DBN1: variants seen among roughly 807,000 people sequenced by gnomAD.
DBN1 encodes the protein drebrin 1.
Under a neutral mutation model 83.5 loss-of-function variants are expected in DBN1, and 21 were observed. The observed-to-expected ratio is 0.25, with a 90% CI of 0.18 to 0.36. The LOEUF (loss-of-function observed/expected upper bound fraction) is 0.36, where lower values mean the gene tolerates loss of function less well. Among genes scored for constraint, DBN1 ranks in the 10% least tolerant of loss-of-function variants. The probability of loss-of-function intolerance (pLI) is 1.00; values close to 1 mark genes in which losing one functional copy is unlikely to be tolerated. For synonymous variants in DBN1, 381 were observed against 384.9 expected, an observed-to-expected ratio of 0.99 and a Z score of 0.12; for missense variants, 874 against 935.7, an observed-to-expected ratio of 0.93 and a Z score of 0.86.
intron 8 of DBN1, among the ~76,000 whole-genome samples, chr5:177,464,907 C>A (rs1757323826): frequency 1.3e-5 from 2 of 152,104 alleles, no homozygotes; most frequent in Admixed American, 1.3e-4. Flanking sequence ...GTAATCCCAG[C>A]ACTTTGGGTG....
At chr5:177,472,876 G>A (rs1392668659) in intron 1 of DBN1, 2 of 985,202 alleles carry the variant, frequency 2.0e-6, no homozygotes, top group Non-Finnish European at 2.4e-6. Flanking sequence ...GTTTCGGGGG[G>A]AGGGCGGCCC....
At position 177,466,887 on chromosome 5, in the gene DBN1, A is replaced by G. The variant is rs1757479669; in HGVS notation, c.707+24T>C. 3 of 1,613,282 alleles carry G rather than the reference A, an allele frequency of 1.9e-6. No homozygotes were observed. The highest frequency in any genetic ancestry group is 1.1e-5 in the South Asian group (1 of 91,066). ...TCAGGGTGCGCCCGGGGGCCCCTGG[A>G]GCGCTCCGGGCGGGCAGGCTCACCT... On this transcript the variant is annotated intron_variant, in intron 7 of 14. Coordinates refer to ENST00000393565, the MANE Select transcript of DBN1 (RefSeq NM_001363541.2). This position sits in a 1 kb window ranked among gnomAD's most constrained non-coding sequence, Gnocchi z 4.8.
chr5:177,462,233 G>C lies in DBN1; in HGVS notation c.772-1530C>G, dbSNP rs1373869826. ...CCCCACCCCAAGGCTCCCACATACT[G>C]TGAGATGTAGACATCAAGTCCTCAG... On this transcript the variant is annotated intron_variant, in intron 8 of 14. Coordinates refer to ENST00000393565, the MANE Select transcript of DBN1 (RefSeq NM_001363541.2). 3.1e-6 allele frequency: 3 copies of C among 983,536 alleles called. No homozygotes were observed. In the East Asian group the frequency reaches 3.4e-4, roughly 112 times the overall value. The allele number at this position is 983,536 out of a possible 1,614,324, so 60.9% of individuals were successfully genotyped here.
Position 177,459,255 on chromosome 5 carries a change from G to A in DBN1, c.1107C>T (p.Asp369=). 1 of 1,607,722 alleles carries A rather than the reference G, an allele frequency of 6.2e-7. No homozygotes were observed. Among genetic ancestry groups the A allele is most frequent in the Non-Finnish European group, 8.5e-7 (1 of 1,179,054 alleles). The change falls in exon 12 of 15, where the codon GAC becomes GAT. Residue 369 remains aspartate (D), a synonymous_variant. Coordinates refer to ENST00000393565, the MANE Select transcript of DBN1 (RefSeq NM_001363541.2). ...GAGTGGGCGCCATCCTCCGGTGGCT[G>A]TCCAGGTGGCTGCCTGTGGAACAAA... The part of the protein sequence containing the change: ...LSSSLPCSHL[D]SHRRMAPTPI...
rs1757879556 is a variant in DBN1, at chr5:177,472,035, G to T, written c.86+1401C>A. The T allele has an allele frequency of 1.1e-5, 16 of 1,466,890 alleles. No homozygotes were observed. In the South Asian group the frequency reaches 1.7e-4, roughly 16 times the overall value. 90.9% of individuals were successfully genotyped at this position (1,466,890 alleles called of 1,614,324 possible). On this transcript the variant is annotated intron_variant, in intron 1 of 14. Coordinates refer to ENST00000393565, the MANE Select transcript of DBN1 (RefSeq NM_001363541.2). Reference sequence around the variant, plus strand: ...GCCACTTGCCCAGAGCTCCTCCCATGATCTCAGCCCCCCTGGGGCAGGGCT... The same window carrying T: ...GCCACTTGCCCAGAGCTCCTCCCATTATCTCAGCCCCCCTGGGGCAGGGCT...
At chr5:177,464,800 C>T (rs1757308498) in intron 8 of DBN1, among the ~76,000 whole-genome samples, 1 of 151,644 alleles carries the variant, frequency 6.6e-6, no homozygotes, top group East Asian at 1.9e-4. Context: ...ATTAGCCAGG[C>T]GTGGTGGTGG....
Position 177,458,344 on chromosome 5 carries a change from G to A in DBN1, c.1628C>T (p.Thr543Met), listed in dbSNP as rs779281470. 1.5e-5 allele frequency: 25 copies of A among 1,613,038 alleles called. No individual in the cohort carries two copies. The highest frequency in any genetic ancestry group is 1.3e-4 in the East Asian group (6 of 44,892). ...STLQGEPRAPTPPSGTEVTLA... is the reference protein window; with the variant it reads ...STLQGEPRAPMPPSGTEVTLA... ...GGTGACCTCAGTACCCGAGGGTGGC[G>A]TGGGGGCCCTGGGCTCACCCTGGAG... The change falls in exon 13 of 15, where the codon ACG (threonine) becomes ATG (methionine). Residue 543 changes from threonine (T) to methionine (M), a missense_variant. Coordinates refer to ENST00000393565, the MANE Select transcript of DBN1 (RefSeq NM_001363541.2).
In DBN1 at chr5:177,457,264, TAA is replaced by T; in HGVS notation, c.*167_*168del. 3 of 645,148 alleles carry T rather than the reference TAA, an allele frequency of 4.7e-6. No individual in the cohort carries two copies. Among genetic ancestry groups the T allele is most frequent in the Non-Finnish European group, 8.3e-6 (3 of 360,260 alleles). The allele number at this position is 645,148 out of a possible 1,614,324, so 40.0% of individuals were successfully genotyped here. ...ACTTTTTAAAAAAAGAGAAAAGCTG[TAA>T]AAGTCAGGCCCTGTGGGTAGGGAAG... is the stretch of plus-strand genomic sequence containing the variant. On this transcript the variant is annotated 3_prime_UTR_variant, in exon 15 of 15. Transcript: ENST00000393565.
chr5:177,468,616 TC>T, intron 2 of DBN1: 1 of 428,692 alleles, frequency 2.3e-6, no homozygotes, highest in Non-Finnish European at 4.1e-6. Context: ...TAAGTCACTT[TC>T]CCTGTTGGAG....
In DBN1 at chr5:177,458,362, C is replaced by T. The variant is rs747510959; in HGVS notation, c.1610G>A (p.Gly537Asp). The change falls in exon 13 of 15, where the codon GGT becomes GAT. Residue 537 changes from glycine (G) to aspartate (D), a missense_variant. This residue lies in a region of DBN1 where 725 missense variants were observed against 719.7 expected (regional missense o/e 1.01). Coordinates refer to ENST00000393565, the MANE Select transcript of DBN1 (RefSeq NM_001363541.2). ...GNGEGASTLQ[G>D]EPRAPTPPSG... ...GGGTGGCGTGGGGGCCCTGGGCTCACCCTGGAGTGTGGAGGCCCCTTCCCC... is the reference window on the plus strand; with the variant it reads ...GGGTGGCGTGGGGGCCCTGGGCTCATCCTGGAGTGTGGAGGCCCCTTCCCC... The T allele has an allele frequency of 1.4e-5, 23 of 1,613,858 alleles. No homozygotes were observed. Among genetic ancestry groups the T allele is most frequent in the Non-Finnish European group, 1.5e-5 (18 of 1,179,848 alleles).
rs1165123989 is a variant in DBN1, at chr5:177,460,654, G to A, written c.821C>T (p.Ser274Leu). The A allele has an allele frequency of 6.2e-6, 10 of 1,614,030 alleles. No individual in the cohort carries two copies. Among genetic ancestry groups the A allele is most frequent in the Non-Finnish European group, 6.8e-6 (8 of 1,180,018 alleles). Reference protein sequence around the residue: ...EEETHMKKSESEVEEAAAIIA... With the variant: ...EEETHMKKSELEVEEAAAIIA... ...GCCCCCAGCTCTCACCTCCACCTCC[G>A]ACTCTGACTTCTTCATGTGGGTCTC... is the stretch of plus-strand genomic sequence containing the variant. The change falls in exon 9 of 15, where the codon TCG becomes TTG. Residue 274 changes from serine (S) to leucine (L), a missense_variant. By Grantham distance (145) the Ser-to-Leu change is moderately radical (BLOSUM62 -2). Transcript: ENST00000393565.
At chr5:177,468,290 A>C in intron 2 of DBN1, 70 bp from the exon 3 acceptor site, 1 of 1,385,562 alleles carries the variant, frequency 7.2e-7, no homozygotes. Flanking sequence ...CTGGAACTCA[A>C]AGCAAAGACT....
intron 1 of DBN1, among the ~76,000 whole-genome samples, chr5:177,470,454 C>T (rs1201934522): frequency 6.6e-6 from 1 of 152,174 alleles, no homozygotes; most frequent in Admixed American, 6.5e-5. Context: ...TGGCTCCCCA[C>T]CTCCGGCCAC....
At position 177,458,053 on chromosome 5, in the gene DBN1, C is replaced by G; in HGVS notation, c.1914+5G>C. 2 of 1,613,790 alleles carry G rather than the reference C, an allele frequency of 1.2e-6. No homozygotes were observed. Among genetic ancestry groups the G allele is most frequent in the African/African-American group, 1.3e-5 (1 of 75,028 alleles). Reference sequence around the variant, plus strand: ...ATCCCTCCCACCAGGCAGTCCCTGCCGCACCTGGGTCCCCTCCTTCTGGGT... The same window carrying G: ...ATCCCTCCCACCAGGCAGTCCCTGCGGCACCTGGGTCCCCTCCTTCTGGGT... On this transcript the variant is annotated splice_donor_5th_base_variant and intron_variant, in intron 13 of 14. Transcript: ENST00000393565.
At chr5:177,471,430 C>T (rs1757834227) in intron 1 of DBN1, among the ~76,000 whole-genome samples, 1 of 152,104 alleles carries the variant, frequency 6.6e-6, no homozygotes, top group South Asian at 2.1e-4. Context: ...AGAGGCCCTG[C>T]CACCTAGGAG....
chr5:177,467,423 C>A lies in DBN1; in HGVS notation c.477+58G>T. 4.3e-6 allele frequency: 7 copies of A among 1,611,818 alleles called. No individual in the cohort carries two copies. Among genetic ancestry groups the A allele is most frequent in the Non-Finnish European group, 5.1e-6 (6 of 1,178,456 alleles). ...TGAGAGCTAAGAGGGACCGGGCAGG[C>A]CAGACTCGGGCACCAGGCCACGCAG... On this transcript the variant is annotated intron_variant, in intron 5 of 14. Coordinates refer to ENST00000393565, the MANE Select transcript of DBN1 (RefSeq NM_001363541.2). The surrounding 1 kb of genome is among the most constrained non-coding windows in gnomAD (Gnocchi z 9.1).
In DBN1 at chr5:177,467,690, G is replaced by A. The variant is rs768345334; in HGVS notation, c.330+53C>T. ...CCTCCCGCCATCCCCACCCCAGCAC[G>A]CAGACCCTGGTGGCTGTCCCCACCC... On this transcript the variant is annotated intron_variant, in intron 4 of 14. Coordinates refer to ENST00000393565, the MANE Select transcript of DBN1 (RefSeq NM_001363541.2). This position sits in a 1 kb window ranked among gnomAD's most constrained non-coding sequence, Gnocchi z 9.1. 58 of 1,553,490 alleles carry A rather than the reference G, an allele frequency of 3.7e-5. No individual in the cohort carries two copies. Among genetic ancestry groups the A allele is most frequent in the Middle Eastern group, 3.3e-4 (2 of 6,016 alleles).
intron 8 of DBN1, among the ~76,000 whole-genome samples, chr5:177,462,029 C>T (rs1173177729): frequency 2.0e-5 from 3 of 152,212 alleles, no homozygotes; most frequent in Non-Finnish European, 2.9e-5. Flanking sequence ...ACCGGGGCCT[C>T]GCCGCAGCCC....
rs1435372066 is a variant in DBN1 at position 177,467,557 on chromosome 5, G to T, written c.401C>A (p.Ser134Tyr). 1.9e-6 allele frequency: 3 copies of T among 1,564,978 alleles called. No homozygotes were observed. Among genetic ancestry groups the T allele is most frequent in the African/African-American group, 2.7e-5 (2 of 73,594 alleles). The change falls in exon 5 of 15, where the codon TCT (serine) becomes TAT (tyrosine). Residue 134 changes from serine (S) to tyrosine (Y), a missense_variant. By Grantham distance (144) the Ser-to-Tyr change is moderately radical. Transcript: ENST00000393565. The surrounding 1 kb of genome is among the most constrained non-coding windows in gnomAD (Gnocchi z 9.1). ...GCTGGAGAGTCGCGCCAGCCCGTTA[G>T]AGAGCCGCTGCCCGATGGCACCCGC... ...IDAGAIGQRL[S>Y]NGLARLSSPV...
Sources: gnomAD v4.1 joint callset for allele counts (sites outside exome capture counted in the v4.1 genomes callset) on GRCh38, gnomAD v4.1.1 for gene constraint, gnomAD v4.1.1 regional missense constraint, Gnocchi (gnomAD v3.1) non-coding constraint, MANE v1.5 for transcripts, NCBI Gene and HGNC (gene_info 2026-07-23, HGNC 2026-07-21) for gene names.